The following MS4A1 variants were observed in gnomAD, a reference collection of about 807,000 sequenced individuals.
The protein encoded by MS4A1 is membrane spanning 4-domains A1.
Under a neutral mutation model 26.5 loss-of-function variants are expected in MS4A1, and 16 were observed. That is an observed-to-expected ratio of 0.60 (90% CI 0.41 to 0.92). The LOEUF is 0.92. Ranked by LOEUF, MS4A1 falls within the 40% of genes least tolerant of loss-of-function variation. MS4A1 has a pLI of 0.00. For missense variants in MS4A1, 350 were observed against 353.0 expected, an observed-to-expected ratio of 0.99 and a Z score of 0.07; for synonymous variants, 128 against 117.6, an observed-to-expected ratio of 1.09 and a Z score of -0.57.
Position 60,468,928 on chromosome 11 carries a change from A to T in MS4A1, c.*460A>T, listed in dbSNP as rs201311564. On this transcript the variant is annotated 3_prime_UTR_variant, in exon 8 of 8. Transcript: ENST00000345732. The stretch of plus-strand genomic sequence containing the variant: ...TTTGCATCATTGTTTTAAGGATGAT[A>T]AAAAAAAATAACAACTAGGGACAAT... 5.9e-5 allele frequency: 10 copies of T among 169,546 alleles called. No individual in the cohort carries two copies. Among genetic ancestry groups the T allele is most frequent in the South Asian group, 1.4e-4 (1 of 6,984 alleles). 10.5% of individuals were successfully genotyped at this position (169,546 alleles called of 1,614,324 possible).
intron 7 of MS4A1, among the ~76,000 whole-genome samples, chr11:60,468,006 C>T (rs1372390914): frequency 6.6e-6 from 1 of 152,200 alleles, no homozygotes; most frequent in East Asian, 1.9e-4. Context: ...CCCAATACCA[C>T]GTGGTCATTC....
chr11:60,467,026 A>G lies in MS4A1; in HGVS notation c.641A>G (p.Asn214Ser), dbSNP rs768583714. Residue 214 changes from asparagine to serine, a missense_variant, in exon 7 of 8, where the codon AAT (asparagine) becomes AGT (serine). Physicochemically the swap from Asn to Ser is conservative, Grantham distance 46. Transcript: ENST00000345732. The stretch of plus-strand genomic sequence containing the variant: ...CTTGTAATAGCTGGCATCGTTGAGA[A>G]TGAATGGAAAAGAACGTGCTCCAGA... ...QELVIAGIVE[N>S]EWKRTCSRPK... 8.1e-6 allele frequency: 13 copies of G among 1,614,062 alleles called. No individual in the cohort carries two copies. Among genetic ancestry groups the G allele is most frequent in the Non-Finnish European group, 3.4e-6 (4 of 1,180,024 alleles).
At chr11:60,463,540 C>T (rs1352397970) in intron 4 of MS4A1, among the ~76,000 whole-genome samples, 1 of 152,232 alleles carries the variant, frequency 6.6e-6, no homozygotes, top group East Asian at 1.9e-4. Flanking sequence ...TGTCCCATCA[C>T]AAGTCAGTCT....
intron 6 of MS4A1, among the ~76,000 whole-genome samples, 168 bp downstream of exon 6, chr11:60,466,325 T>C (rs1236836334): frequency 6.6e-6 from 1 of 152,170 alleles, no homozygotes; most frequent in East Asian, 1.9e-4. Context: ...TCTTCAACTG[T>C]AAAATGGGGA....
intron 1 of MS4A1, chr11:60,458,035 C>T (rs1565192793): frequency 6.6e-6 from 1 of 152,172 alleles, no homozygotes; most frequent in Non-Finnish European, 1.5e-5. Flanking sequence ...GTAACTATTA[C>T]CTTAAACTTA....
chr11:60,466,722 C>G, intron 6 of MS4A1: 1 of 530,956 alleles, frequency 1.9e-6, no homozygotes, highest in Non-Finnish European at 3.4e-6. Flanking sequence ...ATTATTCATA[C>G]CTTACTTTCT....
At chr11:60,465,728 CTG>C (rs1487196999) in intron 5 of MS4A1, 191 bp from the exon 6 acceptor site, 2 of 589,644 alleles carry the variant, frequency 3.4e-6, no homozygotes, top group African/African-American at 3.7e-5. Flanking sequence ...ATAGGGAAGA[CTG>C]AGAAAAGAAC....
At chr11:60,466,523 TC>T in intron 6 of MS4A1, 1 of 331,320 alleles carries the variant, frequency 3.0e-6, no homozygotes, top group South Asian at 3.4e-5. Context: ...TAGAAGAAAT[TC>T]CTAAGATGTT....
chr11:60,459,054 A>C (rs2086227229), intron 1 of MS4A1, among the ~76,000 whole-genome samples: 1 of 152,236 alleles, frequency 6.6e-6, no homozygotes, highest in South Asian at 2.1e-4. Context: ...GAATTGGCTT[A>C]CAAAAAAGTT....
chr11:60,461,328 G>A (rs921397359), intron 2 of MS4A1, among the ~76,000 whole-genome samples, 168 bp downstream of exon 2: 13 of 151,498 alleles, frequency 8.6e-5, no homozygotes, highest in Non-Finnish European at 1.9e-4. Context: ...CAGACCATGA[G>A]CCCAGTTAAG....
Position 60,468,491 on chromosome 11 carries a change from T to C in MS4A1, c.*23T>C. On this transcript the variant is annotated 3_prime_UTR_variant, in exon 8 of 8. Coordinates refer to ENST00000345732, the MANE Select transcript of MS4A1 (RefSeq NM_152866.3). ...TAAGTGATTTCTTCTGTTTTCTGTTTCCTTTTTTAAACATTAGTGTTCATA... is the reference window on the plus strand; with the variant it reads ...TAAGTGATTTCTTCTGTTTTCTGTTCCCTTTTTTAAACATTAGTGTTCATA... 6.2e-7 allele frequency: 1 copy of C among 1,608,572 alleles called. No homozygotes were observed. Among genetic ancestry groups the C allele is most frequent in the Non-Finnish European group, 8.5e-7 (1 of 1,175,386 alleles).
chr11:60,464,352 A>T lies in MS4A1; in HGVS notation c.336+8A>T, dbSNP rs768359203. The T allele has an allele frequency of 5.6e-6, 9 of 1,612,572 alleles. No homozygotes were observed. In the East Asian group the frequency reaches 2.0e-4, roughly 36 times the overall value. ...AACTCCAGGAAGTGTTTGGCAAGTA[A>T]CCATATGTCCTTCTTTCCCACATGT... is the stretch of plus-strand genomic sequence containing the variant. On this transcript the variant is annotated splice_region_variant and intron_variant, in intron 5 of 7. Transcript: ENST00000345732.
chr11:60,462,005 T>G (rs949062702), intron 2 of MS4A1, among the ~76,000 whole-genome samples, 180 bp from the exon 3 acceptor site: 2 of 152,136 alleles, frequency 1.3e-5, no homozygotes, highest in African/African-American at 4.8e-5. Flanking sequence ...AAATACATTT[T>G]TCAATATTAA....
chr11:60,462,134 C>T (rs2086252701), intron 2 of MS4A1, 51 bp from the exon 3 acceptor site: 2 of 620,182 alleles, frequency 3.2e-6, no homozygotes, highest in Non-Finnish European at 6.0e-6. Context: ...CTGGCAGGGA[C>T]TCCTGGGCCC....
rs760788453 is a variant in MS4A1, at chr11:60,467,024, G to T, written c.639G>T (p.Glu213Asp). ...AACTTGTAATAGCTGGCATCGTTGA[G>T]AATGAATGGAAAAGAACGTGCTCCA... ...FQELVIAGIV[E>D]NEWKRTCSRP... Residue 213 changes from glutamate (E) to aspartate (D), a missense_variant, in exon 7 of 8, where the codon GAG (glutamate) becomes GAT (aspartate). Coordinates refer to ENST00000345732, the MANE Select transcript of MS4A1 (RefSeq NM_152866.3). 7.4e-6 allele frequency: 12 copies of T among 1,614,050 alleles called. No homozygotes were observed. Among genetic ancestry groups the T allele is most frequent in the Admixed American group, 5.0e-5 (3 of 60,008 alleles).
At chr11:60,460,827 C>A (rs899897739) in intron 1 of MS4A1, among the ~76,000 whole-genome samples, 2 of 151,702 alleles carry the variant, frequency 1.3e-5, no homozygotes, top group African/African-American at 2.4e-5. Context: ...TGATAAATAG[C>A]ATTTACTACA....
chr11:60,459,376 T>C (rs1380901647), intron 1 of MS4A1, among the ~76,000 whole-genome samples: 1 of 152,220 alleles, frequency 6.6e-6, no homozygotes, highest in East Asian at 1.9e-4. Context: ...CTCTAGTATA[T>C]AGTAGGTGCT....
rs1332064089 is a variant in MS4A1, at chr11:60,468,586, C to T, written c.*118C>T. On this transcript the variant is annotated 3_prime_UTR_variant, in exon 8 of 8. Coordinates refer to ENST00000345732, the MANE Select transcript of MS4A1 (RefSeq NM_152866.3). The stretch of plus-strand genomic sequence containing the variant: ...ACATACGCACCACATCTCTATCTGG[C>T]CTTTGCATGGAGTGACCATAGCTCC... 13 of 909,194 alleles carry T rather than the reference C, an allele frequency of 1.4e-5. No homozygotes were observed. The highest frequency in any genetic ancestry group is 2.6e-5 in the East Asian group (1 of 38,122). The allele number at this position is 909,194 out of a possible 1,614,324, so 56.3% of individuals were successfully genotyped here.
rs1293293977 is a variant in MS4A1 at position 60,468,279 on chromosome 11, A to G, written c.705A>G (p.Lys235=). The G allele has an allele frequency of 6.2e-7, 1 of 1,613,666 alleles. No homozygotes were observed. The highest frequency in any genetic ancestry group is 1.7e-5 in the Admixed American group (1 of 59,972). ...SNIVLLSAEE[K]KEQTIEIKEE... ...TAGTTCTCCTGTCAGCAGAAGAAAA[A>G]AAAGAACAGACTATTGAAATAAAAG... Residue 235 remains lysine (K), a synonymous_variant, in exon 8 of 8, where the codon AAA becomes AAG. Transcript: ENST00000345732.
Sources: gnomAD v4.1 joint callset for allele counts (sites outside exome capture counted in the v4.1 genomes callset) on GRCh38, gnomAD v4.1.1 for gene constraint, MANE v1.5 for transcripts, NCBI Gene and HGNC (gene_info 2026-07-23, HGNC 2026-07-21) for gene names.